PLAGL1: variants seen among roughly 807,000 people sequenced by gnomAD.
The protein encoded by PLAGL1 is PLAG1 like zinc finger 1.
In PLAGL1, 1 loss-of-function variant was observed where a neutral mutation model predicts 4.6. The ratio of observed to expected loss-of-function variants is 0.22; its 90% CI spans 0.08 to 1.03. The LOEUF (loss-of-function observed/expected upper bound fraction) is 1.03. Among genes scored for constraint, PLAGL1 ranks in the 50% least tolerant of loss-of-function variants. PLAGL1 has a pLI of 0.58. For synonymous variants in PLAGL1, 240 were observed against 237.8 expected, an observed-to-expected ratio of 1.01 and a Z score of -0.08; for missense variants, 464 against 570.4, an observed-to-expected ratio of 0.81 and a Z score of 1.90.
chr6:144,007,445 G>A (rs1206529255), intron 1 of PLAGL1: 2 of 152,082 alleles, frequency 1.3e-5, no homozygotes, highest in African/African-American at 4.8e-5. Flanking sequence ...ATTTTTATTG[G>A]TTTCCTAAAA....
In PLAGL1 at chr6:144,063,591, C is replaced by T. The variant is rs1475997467; in HGVS notation, c.-151+877G>A. 6.6e-6 allele frequency among the ~76,000 whole-genome samples: 1 copy of T among 152,212 alleles called. No individual in the cohort carries two copies. The highest frequency in any genetic ancestry group is 1.5e-5 in the Non-Finnish European group (1 of 68,036). On this transcript the variant is annotated intron_variant, in intron 1 of 3. Coordinates refer to the PLAGL1 transcript ENST00000437412. This position sits in a 1 kb window ranked among gnomAD's most constrained non-coding sequence, Gnocchi z 5.7. ...CATCGGAGTTCTGTTCTTTCGGTGG[C>T]CACACAGATGCTCAATGCCACGACC...
intron 1 of PLAGL1, among the ~76,000 whole-genome samples, chr6:144,017,446 T>C (rs1411298520): frequency 6.6e-6 from 1 of 152,222 alleles, no homozygotes; most frequent in Non-Finnish European, 1.5e-5. Flanking sequence ...CTAATGTCCA[T>C]TTCTATCTTC....
intron 1 of PLAGL1, among the ~76,000 whole-genome samples, chr6:143,991,124 T>C (rs1308555895): frequency 6.6e-6 from 1 of 152,206 alleles, no homozygotes; most frequent in Admixed American, 6.5e-5. Flanking sequence ...CATTGTCCCA[T>C]TATGTCCACA....
At chr6:144,024,579 T>C (rs1796208287) in intron 1 of PLAGL1, among the ~76,000 whole-genome samples, 1 of 152,256 alleles carries the variant, frequency 6.6e-6, no homozygotes, top group Non-Finnish European at 1.5e-5. Context: ...CTTAGCCATG[T>C]GGAACTGTGA....
At position 144,022,813 on chromosome 6, in the gene PLAGL1, G is replaced by T. The variant is rs768653731; in HGVS notation, c.-151+41655C>A. On this transcript the variant is annotated intron_variant, in intron 1 of 3. Transcript: ENST00000437412. This position sits in a 1 kb window ranked among gnomAD's most constrained non-coding sequence, Gnocchi z 4.2. The stretch of plus-strand genomic sequence containing the variant: ...TCCTTTATAAATTATGCAGTCTCAG[G>T]TATGTCTTTATTGCAGCATGAGAAC... 1.6e-4 allele frequency among the ~76,000 whole-genome samples: 25 copies of T among 152,120 alleles called. No individual in the cohort carries two copies. Among genetic ancestry groups the T allele is most frequent in the Admixed American group, 7.9e-4 (12 of 15,272 alleles).
chr6:143,948,767 C>A lies in PLAGL1; in HGVS notation c.-324-307G>T, dbSNP rs988384562. Among the ~76,000 whole-genome samples the A allele has an allele frequency of 2.1e-3, 294 of 143,200 alleles. 1 individual carries two copies. The highest frequency in any genetic ancestry group is 7.7e-3 in the African/African-American group (285 of 37,014). The allele number at this position is 143,200 out of a possible 152,430, so 93.9% of individuals were successfully genotyped here. On this transcript the variant is annotated intron_variant, in intron 6 of 7. Coordinates refer to ENST00000674357, the MANE Select transcript of PLAGL1 (RefSeq NM_001317162.2). This position sits in a 1 kb window ranked among gnomAD's most constrained non-coding sequence, Gnocchi z 6.0. Reference sequence around the variant, plus strand: ...AAGCTCCATTGACCAAAGAGAAAAACAACAACAACAACAACAACAACAACA... The same window carrying A: ...AAGCTCCATTGACCAAAGAGAAAAAAAACAACAACAACAACAACAACAACA...
rs187642448 is a variant in PLAGL1, at chr6:144,061,203, C to T, written c.-151+3265G>A. On this transcript the variant is annotated intron_variant, in intron 1 of 3. Transcript: ENST00000437412. This position sits in a 1 kb window ranked among gnomAD's most constrained non-coding sequence, Gnocchi z 4.4. ...GTCACAACAGCCAGAAGAGAGCCAA[C>T]CATAGCATGGAGCAGAAGAAACACG... Among the ~76,000 whole-genome samples, 3 of 152,350 alleles carry T rather than the reference C, an allele frequency of 2.0e-5. No individual in the cohort carries two copies. The highest frequency in any genetic ancestry group is 4.4e-5 in the Non-Finnish European group (3 of 68,034).
In PLAGL1 at chr6:143,945,406, A is replaced by G. The variant is rs1444900187; in HGVS notation, c.152+2579T>C. On this transcript the variant is annotated intron_variant, in intron 7 of 7. Coordinates refer to ENST00000674357, the MANE Select transcript of PLAGL1 (RefSeq NM_001317162.2). This position sits in a 1 kb window ranked among gnomAD's most constrained non-coding sequence, Gnocchi z 4.2. ...TATTGTCTCTAACTGGTTTCATTATATGCTGTACTGGGACCCACATTCTGT... is the reference window on the plus strand; with the variant it reads ...TATTGTCTCTAACTGGTTTCATTATGTGCTGTACTGGGACCCACATTCTGT... Among the ~76,000 whole-genome samples the G allele has an allele frequency of 1.3e-5, 2 of 151,990 alleles. No individual in the cohort carries two copies. The highest frequency in any genetic ancestry group is 2.9e-5 in the Non-Finnish European group (2 of 68,020).
chr6:144,045,511 T>A (rs1202751133), intron 1 of PLAGL1, among the ~76,000 whole-genome samples: 1 of 152,246 alleles, frequency 6.6e-6, no homozygotes, highest in Admixed American at 6.5e-5. Context: ...TGTTGAATAT[T>A]GGCCCCTGCT....
At chr6:144,021,903 T>A (rs1796004074) in intron 1 of PLAGL1, among the ~76,000 whole-genome samples, 1 of 152,178 alleles carries the variant, frequency 6.6e-6, no homozygotes, top group African/African-American at 2.4e-5. Context: ...AACTGAAAGA[T>A]ACTGGCTCTC....
At position 143,947,917 on chromosome 6, in the gene PLAGL1, G is replaced by C; in HGVS notation, c.152+68C>G. 1.5e-6 allele frequency: 2 copies of C among 1,324,474 alleles called. No individual in the cohort carries two copies. Among genetic ancestry groups the C allele is most frequent in the South Asian group, 2.5e-5 (2 of 80,028 alleles). 82.0% of individuals were successfully genotyped at this position (1,324,474 alleles called of 1,614,324 possible). On this transcript the variant is annotated intron_variant, in intron 7 of 7. Transcript: ENST00000674357. This position sits in a 1 kb window ranked among gnomAD's most constrained non-coding sequence, Gnocchi z 4.3. Reference sequence around the variant, plus strand: ...GTGTCCCTTTCCCCTTGCATCGTGTGGTCTGAGGGCTAGAAAAGCCATTTA... The same window carrying C: ...GTGTCCCTTTCCCCTTGCATCGTGTCGTCTGAGGGCTAGAAAAGCCATTTA...
chr6:143,972,666 C>T lies in PLAGL1; in HGVS notation c.-543-3688G>A, dbSNP rs933545591. Reference sequence around the variant, plus strand: ...GCATGAATCACTGGCTTGAGTGGAACGTAGCTTCCAAGTTCAAAGATGTTT... The same window carrying T: ...GCATGAATCACTGGCTTGAGTGGAATGTAGCTTCCAAGTTCAAAGATGTTT... On this transcript the variant is annotated intron_variant, in intron 2 of 7. Transcript: ENST00000674357. The surrounding 1 kb of genome is among the most constrained non-coding windows in gnomAD (Gnocchi z 6.8). 6.6e-5 allele frequency among the ~76,000 whole-genome samples: 10 copies of T among 152,004 alleles called. No individual in the cohort carries two copies. Among genetic ancestry groups the T allele is most frequent in the Non-Finnish European group, 1.3e-4 (9 of 68,010 alleles).
chr6:143,956,446 AAAAATGAGC>A (rs1205663564), intron 6 of PLAGL1, among the ~76,000 whole-genome samples: 2 of 152,220 alleles, frequency 1.3e-5, no homozygotes, highest in Admixed American at 1.3e-4. Context: ...CTATGGTGAT[AAAAATGAGC>A]AAAATGAGAA....
intron 1 of PLAGL1, among the ~76,000 whole-genome samples, chr6:144,043,704 G>A (rs1405809786): frequency 6.6e-6 from 1 of 152,082 alleles, no homozygotes; most frequent in African/African-American, 2.4e-5. Context: ...AATGAGTTAG[G>A]GAGGATTCCC....
At chr6:143,944,750 G>T (rs565228815) in intron 7 of PLAGL1, among the ~76,000 whole-genome samples, 2 of 151,622 alleles carry the variant, frequency 1.3e-5, no homozygotes, top group Non-Finnish European at 2.9e-5. Context: ...ACATATGAAG[G>T]GGGGAGCTGG....
intron 2 of PLAGL1, among the ~76,000 whole-genome samples, chr6:143,974,660 A>G (rs575138111): frequency 6.6e-6 from 1 of 152,254 alleles, no homozygotes; most frequent in South Asian, 2.1e-4. Flanking sequence ...GGCCTAGGGG[A>G]CACATTTAAC....
In PLAGL1 at chr6:144,015,706, A is replaced by G. The variant is rs1223891720; in HGVS notation, c.-150-46728T>C. The stretch of plus-strand genomic sequence containing the variant: ...CCGCTACATACCCACTGGAAAGGCT[A>G]AAGTTGAAAAGACTGAAAATACCAA... On this transcript the variant is annotated intron_variant, in intron 1 of 3. Coordinates refer to the PLAGL1 transcript ENST00000437412. This position sits in a 1 kb window ranked among gnomAD's most constrained non-coding sequence, Gnocchi z 4.3. 3.9e-5 allele frequency among the ~76,000 whole-genome samples: 6 copies of G among 152,238 alleles called. No homozygotes were observed. Among genetic ancestry groups the G allele is most frequent in the Non-Finnish European group, 1.5e-5 (1 of 68,036 alleles).
chr6:144,003,918 T>C (rs569765184), intron 1 of PLAGL1, among the ~76,000 whole-genome samples: 10 of 152,236 alleles, frequency 6.6e-5, no homozygotes, highest in Admixed American at 2.0e-4. Flanking sequence ...GAGAGATATA[T>C]GTCTACCAAC....
intron 1 of PLAGL1, among the ~76,000 whole-genome samples, chr6:144,062,489 A>AC: frequency 6.6e-6 from 1 of 151,128 alleles, no homozygotes; most frequent in Non-Finnish European, 1.5e-5. Flanking sequence ...AAAAAAAAAA[A>AC]AAAAAACACA....
Sources: allele counts gnomAD v4.1 joint callset (sites outside exome capture counted in the v4.1 genomes callset), GRCh38; gene constraint gnomAD v4.1.1; non-coding constraint Gnocchi (gnomAD v3.1); transcripts MANE v1.5; gene names NCBI Gene and HGNC (gene_info 2026-07-23, HGNC 2026-07-21).